LDLRAD4: variants seen among roughly 807,000 people sequenced by gnomAD.
LDLRAD4 encodes the protein low-density lipoprotein receptor class A domain-containing protein 4.
LDLRAD4 carries 5 observed loss-of-function variants against 17.0 expected under a neutral mutation model. The observed-to-expected ratio is 0.29, with a 90% CI of 0.15 to 0.62. The LOEUF is 0.62. Ranked by LOEUF, LDLRAD4 falls within the 20% of genes least tolerant of loss-of-function variation. LDLRAD4 has a pLI of 0.84. For synonymous variants in LDLRAD4, 168 were observed against 171.8 expected, an observed-to-expected ratio of 0.98 and a Z score of 0.17; for missense variants, 340 against 424.7, an observed-to-expected ratio of 0.80 and a Z score of 1.75.
chr18:13,506,363 C>T (rs1183783216), intron 3 of LDLRAD4, among the ~76,000 whole-genome samples: 2 of 115,154 alleles, frequency 1.7e-5, no homozygotes, highest in African/African-American at 6.6e-5. Context: ...AATGCCATCC[C>T]TCCCCCTCCC....
In LDLRAD4 at chr18:13,621,550, T is replaced by C. The variant is rs1354482145; in HGVS notation, c.336+279T>C. 6.6e-6 allele frequency among the ~76,000 whole-genome samples: 1 copy of C among 152,208 alleles called. No individual in the cohort carries two copies. ...TGCCCGACGTGGCTTTGCCAGCTTC[T>C]GAGCTGTGCACGAACGGGACCGGCC... On this transcript the variant is annotated intron_variant, in intron 4 of 5. Coordinates refer to ENST00000359446, the Ensembl canonical transcript of LDLRAD4. The surrounding 1 kb of genome is among the most constrained non-coding windows in gnomAD (Gnocchi z 5.5).
At chr18:13,587,281 C>T (rs540584623) in intron 3 of LDLRAD4, among the ~76,000 whole-genome samples, 1 of 152,312 alleles carries the variant, frequency 6.6e-6, no homozygotes, top group East Asian at 1.9e-4. Context: ...AACCCCTGCC[C>T]TAGGCATTGC....
At chr18:13,327,238 T>C (rs1340654945) in intron 1 of LDLRAD4, among the ~76,000 whole-genome samples, 1 of 152,152 alleles carries the variant, frequency 6.6e-6, no homozygotes, top group Non-Finnish European at 1.5e-5. Flanking sequence ...TAGCGTTTTG[T>C]TAAGTATGAA....
intron 1 of LDLRAD4, among the ~76,000 whole-genome samples, chr18:13,346,048 T>G (rs2082667738): frequency 6.6e-6 from 1 of 152,194 alleles, no homozygotes; most frequent in Non-Finnish European, 1.5e-5. Flanking sequence ...ATTCATTGAT[T>G]TTTTGAAGGG....
chr18:13,346,649 A>G (rs1009123534), intron 1 of LDLRAD4, among the ~76,000 whole-genome samples: 86 of 152,076 alleles, frequency 5.7e-4, no homozygotes, highest in Non-Finnish European at 9.6e-4. Context: ...TTTCTGTCTC[A>G]TTGATCTGTC....
intron 2 of LDLRAD4, among the ~76,000 whole-genome samples, chr18:13,414,360 C>A (rs902304362): frequency 2.0e-5 from 3 of 152,188 alleles, no homozygotes; most frequent in African/African-American, 7.2e-5. Flanking sequence ...ACTAAGTGGG[C>A]CAGTGAATGT....
At chr18:13,370,713 G>GTTTTTTTTTTTTTTTTGTT (rs781268070) in intron 1 of LDLRAD4, among the ~76,000 whole-genome samples, 2 of 17,202 alleles carry the variant, frequency 1.2e-4, no homozygotes, top group Non-Finnish European at 3.3e-4. Flanking sequence ...TTTTTGTTTT[G>GTTTTTTTTTTTTTTTTGTT]TTTTTTTTTT....
Position 13,284,425 on chromosome 18 carries a change from C to T in LDLRAD4, c.-383+6237C>T, listed in dbSNP as rs535512342. Among the ~76,000 whole-genome samples the T allele has an allele frequency of 3.3e-5, 5 of 152,228 alleles. No homozygotes were observed. In the South Asian group the frequency reaches 1.0e-3, roughly 32 times the overall value. On this transcript the variant is annotated intron_variant, in intron 1 of 5. Transcript: ENST00000359446. ...ATACTTTGACGCTTTGCTTTAAACT[C>T]AAATGCGCTAGCAGCTCCGTCAGTT...
Position 13,570,699 on chromosome 18 carries a change from C to G in LDLRAD4, c.182-50418C>G, listed in dbSNP as rs549024858. On this transcript the variant is annotated intron_variant, in intron 3 of 5. Coordinates refer to ENST00000359446, the Ensembl canonical transcript of LDLRAD4. ...CCTCACTCTGGAGCCTCATAGTCTC[C>G]TGTGCCAGGGCGAGCTCCACCTTGG... 1.8e-3 allele frequency among the ~76,000 whole-genome samples: 273 copies of G among 152,366 alleles called. 1 individual carries two copies. Among genetic ancestry groups the G allele is most frequent in the African/African-American group, 6.4e-3 (266 of 41,590 alleles).
chr18:13,511,261 A>G (rs754444100), intron 3 of LDLRAD4, among the ~76,000 whole-genome samples: 1 of 152,208 alleles, frequency 6.6e-6, no homozygotes, highest in East Asian at 1.9e-4. Flanking sequence ...AGGGCCGGGC[A>G]CAGTGGCTCA....
intron 3 of LDLRAD4, among the ~76,000 whole-genome samples, chr18:13,449,829 C>T (rs1448118320): frequency 6.6e-6 from 1 of 152,094 alleles, no homozygotes; most frequent in East Asian, 1.9e-4. Flanking sequence ...CGCCGCAGGC[C>T]CTTGCATGCC....
At chr18:13,388,735 C>T (rs867317338) in intron 2 of LDLRAD4, among the ~76,000 whole-genome samples, 2 of 152,204 alleles carry the variant, frequency 1.3e-5, no homozygotes, top group Non-Finnish European at 2.9e-5. Flanking sequence ...CCTCCGCAGT[C>T]GCCGTGGCTT....
rs960763093 is a variant in LDLRAD4 at position 13,503,919 on chromosome 18, A to AT, written c.181+65542dup. Among the ~76,000 whole-genome samples the AT allele has an allele frequency of 6.6e-5, 10 of 152,124 alleles. No homozygotes were observed. The South Asian group carries it at 8.3e-4, about 13-fold the overall frequency. On this transcript the variant is annotated intron_variant, in intron 3 of 5. Transcript: ENST00000359446. Reference sequence around the variant, plus strand: ...ATGGATATACTATATTTAAAGATTTATTTTTTTAATAACATTACTAATGAT... The same window carrying AT: ...ATGGATATACTATATTTAAAGATTTATTTTTTTTAATAACATTACTAATGAT...
At chr18:13,411,645 T>A (rs904213850) in intron 2 of LDLRAD4, among the ~76,000 whole-genome samples, 1 of 152,156 alleles carries the variant, frequency 6.6e-6, no homozygotes, top group Admixed American at 6.6e-5. Flanking sequence ...AGGTAAGACG[T>A]GACTTTGCTC....
In LDLRAD4 at chr18:13,528,321, T is replaced by A. The variant is rs1376374641; in HGVS notation, c.181+89937T>A. Among the ~76,000 whole-genome samples the A allele has an allele frequency of 2.0e-5, 3 of 152,180 alleles. No individual in the cohort carries two copies. In the South Asian group the frequency reaches 6.2e-4, roughly 32 times the overall value. On this transcript the variant is annotated intron_variant, in intron 3 of 5. Transcript: ENST00000359446. Reference sequence around the variant, plus strand: ...GCAGAATTGAGCACCATTATTACTATTATTATTTTGAGATGGAGTCTTGCT... The same window carrying A: ...GCAGAATTGAGCACCATTATTACTAATATTATTTTGAGATGGAGTCTTGCT...
chr18:13,608,687 G>T (rs17614086), intron 3 of LDLRAD4, among the ~76,000 whole-genome samples: 67,771 of 151,888 alleles, frequency 0.45, 16,460 homozygotes, highest in Non-Finnish European at 0.56. Flanking sequence ...ACTGGTAGCC[G>T]ATCCTTAAAG....
rs577261930 is a variant in LDLRAD4 at position 13,562,802 on chromosome 18, C to T, written c.182-58315C>T. 1.4e-4 allele frequency: 22 copies of T among 152,404 alleles called. No homozygotes were observed. In the East Asian group the frequency reaches 3.1e-3, roughly 21 times the overall value. The allele number at this position is 152,404 out of a possible 1,614,324, so 9.4% of individuals were successfully genotyped here. On this transcript the variant is annotated intron_variant, in intron 3 of 5. Transcript: ENST00000359446. ...TATGTGAGCTCTGGGCTGGCGCCTA[C>T]CCCTCCCACCCAAGGAATCTCTGCT...
intron 1 of LDLRAD4, among the ~76,000 whole-genome samples, chr18:13,337,026 CAAGAG>C (rs1264942995): frequency 2.0e-5 from 3 of 152,044 alleles, no homozygotes; most frequent in African/African-American, 4.8e-5. Flanking sequence ...CAGCTTTATT[CAAGAG>C]ATACTGTGAT....
rs141105561 is a variant in LDLRAD4 at position 13,493,528 on chromosome 18, T to C, written c.181+55144T>C. On this transcript the variant is annotated intron_variant, in intron 3 of 5. Coordinates refer to ENST00000359446, the Ensembl canonical transcript of LDLRAD4. ...CTGTGCACCCCTGAGGCTTCCGGCT[T>C]TGGTGTTGCTAAGGTTCTGAGAAGA... 7.9e-5 allele frequency among the ~76,000 whole-genome samples: 12 copies of C among 152,312 alleles called. No homozygotes were observed. The East Asian group carries it at 2.3e-3, about 29-fold the overall frequency.
Sources: allele counts gnomAD v4.1 joint callset (sites outside exome capture counted in the v4.1 genomes callset), GRCh38; gene constraint gnomAD v4.1.1; non-coding constraint Gnocchi (gnomAD v3.1); transcripts MANE v1.5; gene names NCBI Gene and HGNC (gene_info 2026-07-23, HGNC 2026-07-21).